Variants in AFG2A observed in about 807,000 individuals in gnomAD.
AFG2A encodes the protein AAA ATPase AFG2A.
At chr4:123,319,390 T>A in the AFG2A span, 3 of 152,198 alleles carry the variant, frequency 2.0e-5, no homozygotes, top group Non-Finnish European at 2.9e-5. Flanking sequence ...CACCAAAGCA[T>A]CCTTTGATAT....
chr4:123,017,208 A>G, the AFG2A span, among the ~76,000 whole-genome samples: 1 of 78,588 alleles, frequency 1.3e-5, no homozygotes, highest in African/African-American at 5.9e-5. Context: ...GGAGAGGGAG[A>G]GAGAGAGGGA....
the AFG2A span, among the ~76,000 whole-genome samples, chr4:123,007,364 T>C: frequency 6.6e-6 from 1 of 151,762 alleles, no homozygotes; most frequent in African/African-American, 2.4e-5. Context: ...CCATTCTTTT[T>C]AGGTGCTTTT....
At chr4:122,972,745 T>C in the AFG2A span, among the ~76,000 whole-genome samples, 2 of 152,064 alleles carry the variant, frequency 1.3e-5, no homozygotes, top group African/African-American at 4.8e-5. Flanking sequence ...ATTTTTTTGT[T>C]ACTGATTTTG....
the AFG2A span, chr4:122,935,686 A>G: frequency 1.9e-6 from 3 of 1,552,586 alleles, no homozygotes; most frequent in Admixed American, 4.1e-5. Context: ...GTAATGGTGA[A>G]TCTAGTGTTT....
the AFG2A span, chr4:123,028,473 G>GTC: frequency 3.3e-6 from 4 of 1,224,478 alleles, no homozygotes; most frequent in Non-Finnish European, 4.7e-6. Flanking sequence ...ACCTTTAGGA[G>GTC]AACGAATAAA....
chr4:122,966,936 A>T, the AFG2A span, among the ~76,000 whole-genome samples: 2 of 152,156 alleles, frequency 1.3e-5, no homozygotes, highest in African/African-American at 4.8e-5. Context: ...AGATGAGTTA[A>T]TATTGAAAAG....
chr4:123,179,785 G>T, the AFG2A span, among the ~76,000 whole-genome samples: 1 of 152,148 alleles, frequency 6.6e-6, no homozygotes, highest in South Asian at 2.1e-4. Context: ...AATACTATAA[G>T]AATTAGTGCC....
chr4:123,192,952 G>T, the AFG2A span, among the ~76,000 whole-genome samples: 2 of 152,204 alleles, frequency 1.3e-5, no homozygotes, highest in African/African-American at 4.8e-5. Flanking sequence ...AGGTACTCAT[G>T]TGAATAAATG....
chr4:123,187,540 T>C, the AFG2A span, among the ~76,000 whole-genome samples: 1 of 152,194 alleles, frequency 6.6e-6, no homozygotes, highest in East Asian at 1.9e-4. Context: ...ATTAAGAATA[T>C]TGGTATTCTG....
chr4:123,192,723 A>T, the AFG2A span, among the ~76,000 whole-genome samples: 2 of 152,290 alleles, frequency 1.3e-5, no homozygotes, highest in South Asian at 4.1e-4. Flanking sequence ...CCTGTGGCCC[A>T]GAAGTGTATT....
chr4:123,159,330 A>T, the AFG2A span, among the ~76,000 whole-genome samples: 4 of 152,198 alleles, frequency 2.6e-5, no homozygotes, highest in African/African-American at 9.7e-5. Flanking sequence ...CAGTTTTAAT[A>T]AAGCAGCCTG....
chr4:123,117,628 A>G, the AFG2A span, among the ~76,000 whole-genome samples: 1 of 151,774 alleles, frequency 6.6e-6, no homozygotes, highest in East Asian at 1.9e-4. Flanking sequence ...TTAAATGATT[A>G]TGTTGTCTGC....
chr4:122,979,589 C>G, the AFG2A span, among the ~76,000 whole-genome samples: 1 of 152,168 alleles, frequency 6.6e-6, no homozygotes, highest in Non-Finnish European at 1.5e-5. Context: ...CCAGTTTCCT[C>G]CAGTGGCAAC....
At chr4:123,223,250 G>T in the AFG2A span, among the ~76,000 whole-genome samples, 131 of 152,170 alleles carry the variant, frequency 8.6e-4, no homozygotes, top group Non-Finnish European at 1.5e-3. Flanking sequence ...CTGAGGTGAA[G>T]GCTCATTGTA....
the AFG2A span, among the ~76,000 whole-genome samples, chr4:123,173,422 C>T: frequency 8.2e-6 from 1 of 122,500 alleles, no homozygotes; most frequent in Admixed American, 1.2e-4. Context: ...ATGGTGCAAT[C>T]TCTGCTCACT....
the AFG2A span, among the ~76,000 whole-genome samples, chr4:122,990,140 A>G: frequency 1.3e-5 from 2 of 152,208 alleles, no homozygotes; most frequent in Non-Finnish European, 2.9e-5. Context: ...TGCCGGGATT[A>G]CAGATGTGAG....
chr4:123,007,708 G>C, the AFG2A span, among the ~76,000 whole-genome samples: 1 of 148,096 alleles, frequency 6.8e-6, no homozygotes, highest in Non-Finnish European at 1.5e-5. Context: ...TTCTCCCTGG[G>C]AACTTTATTT....
the AFG2A span, among the ~76,000 whole-genome samples, chr4:123,034,507 C>G: frequency 6.9e-6 from 1 of 145,354 alleles, no homozygotes; most frequent in Non-Finnish European, 1.5e-5. Flanking sequence ...ACCACCAAGA[C>G]AGTACCCAAG....
the AFG2A span, among the ~76,000 whole-genome samples, chr4:123,002,626 A>T: frequency 1.3e-5 from 2 of 152,182 alleles, no homozygotes; most frequent in Non-Finnish European, 2.9e-5. Flanking sequence ...AATGTTGAAT[A>T]TTGGCCTCCA....
Sources: allele counts gnomAD v4.1 joint callset (sites outside exome capture counted in the v4.1 genomes callset), GRCh38; gene constraint gnomAD v4.1.1; transcripts MANE v1.5; gene names NCBI Gene and HGNC (gene_info 2026-07-23, HGNC 2026-07-21).